LRRC14: variants seen among roughly 807,000 people sequenced by gnomAD.
LRRC14 encodes leucine rich repeat containing 14.
In LRRC14, 16 loss-of-function variants were observed where a neutral mutation model predicts 25.3. The observed-to-expected ratio is 0.63, with a 90% confidence interval of 0.43 to 0.96. LRRC14 has a LOEUF of 0.96. Among genes scored for constraint, LRRC14 ranks in the 40% least tolerant of loss-of-function variants. LRRC14 has a pLI of 0.00. For synonymous variants in LRRC14, 359 were observed against 295.1 expected (o/e 1.22, Z -2.22); for missense variants, 594 against 660.5 (o/e 0.90, Z 1.10).
Position 144,521,669 on chromosome 8 carries a change from T to A in LRRC14, c.*191T>A. ...TGCCCCACGCGGTTTTCCCTGCACT[T>A]GCTCCATAATTGGCTGATCATCTGT... On this transcript the variant is annotated 3_prime_UTR_variant, in exon 4 of 4. Coordinates refer to ENST00000292524, the MANE Select transcript of LRRC14 (RefSeq NM_014665.4). 1.6e-6 allele frequency: 1 copy of A among 610,868 alleles called. No individual in the cohort carries two copies. The allele number at this position is 610,868 out of a possible 1,614,324, so 37.8% of individuals were successfully genotyped here.
Position 144,523,790 on chromosome 8 carries a change from T to G in LRRC14, c.*2312T>G, listed in dbSNP as rs913556543. ...AGCCTTGCCTTTGGATGCCCTCTCT[T>G]GGGAATGTCCCCAGTCCTGGTCAGC... On this transcript the variant is annotated 3_prime_UTR_variant, in exon 4 of 4. Coordinates refer to ENST00000292524, the MANE Select transcript of LRRC14 (RefSeq NM_014665.4). 7.1e-6 allele frequency: 3 copies of G among 421,438 alleles called. No homozygotes were observed. The highest frequency in any genetic ancestry group is 1.3e-5 in the Non-Finnish European group (3 of 237,854). 26.1% of individuals were successfully genotyped at this position (421,438 alleles called of 1,614,324 possible).
Position 144,524,467 on chromosome 8 carries a change from G to C in LRRC14, c.*2989G>C, listed in dbSNP as rs1816274467. 11 of 1,597,756 alleles carry C rather than the reference G, an allele frequency of 6.9e-6. No individual in the cohort carries two copies. The highest frequency in any genetic ancestry group is 1.3e-5 in the African/African-American group (1 of 75,058). On this transcript the variant is annotated 3_prime_UTR_variant, in exon 4 of 4. Transcript: ENST00000292524. ...GGCAGGTGCAAGAAGGTGAAATCCAGCAGCCGCGCCAGCTGGTTGCCCGCC... is the reference window on the plus strand; with the variant it reads ...GGCAGGTGCAAGAAGGTGAAATCCACCAGCCGCGCCAGCTGGTTGCCCGCC...
Position 144,522,994 on chromosome 8 carries a change from A to T in LRRC14, c.*1516A>T. On this transcript the variant is annotated 3_prime_UTR_variant, in exon 4 of 4. Coordinates refer to ENST00000292524, the MANE Select transcript of LRRC14 (RefSeq NM_014665.4). Reference sequence around the variant, plus strand: ...CGTTGGAGGCCTCGCACTCGTACTTACCGGCGTGCGCCAGCGTGATGTTGC... The same window carrying T: ...CGTTGGAGGCCTCGCACTCGTACTTTCCGGCGTGCGCCAGCGTGATGTTGC... 1 of 1,595,820 alleles carries T rather than the reference A, an allele frequency of 6.3e-7. No homozygotes were observed.
At position 144,523,595 on chromosome 8, in the gene LRRC14, G is replaced by GC. The variant is rs1816222329; in HGVS notation, c.*2123dup. 1.1e-6 allele frequency: 1 copy of GC among 882,652 alleles called. No individual in the cohort carries two copies. The allele number at this position is 882,652 out of a possible 1,614,324, so 54.7% of individuals were successfully genotyped here. A position where few individuals can be genotyped will look rare whatever the true frequency, so the allele number is the denominator to read the frequency against. ...TTGGGGCGGCAGGCCCTTCACCCTCGCCCCCCTCCCCTTTAGCTCTGTGAT... is the reference window on the plus strand; with the variant it reads ...TTGGGGCGGCAGGCCCTTCACCCTCGCCCCCCCTCCCCTTTAGCTCTGTGAT... On this transcript the variant is annotated 3_prime_UTR_variant, in exon 4 of 4. Transcript: ENST00000292524.
chr8:144,520,509 C>T lies in LRRC14; in HGVS notation c.601C>T (p.Arg201Ter), dbSNP rs753973200. ...GCTGCGGCTCTGCTGCCGGGACCTGCGAGCTGAGGACCTGCCCATGCGCAA... is the reference window on the plus strand; with the variant it reads ...GCTGCGGCTCTGCTGCCGGGACCTGTGAGCTGAGGACCTGCCCATGCGCAA... ...SPLRLCCRDL[R>*]AEDLPMRNTV... Residue 201 changes from arginine to a stop codon, truncating the protein, a stop_gained, in exon 3 of 4, where the codon CGA becomes TGA. Coordinates refer to ENST00000292524, the MANE Select transcript of LRRC14 (RefSeq NM_014665.4). LOFTEE classifies it high-confidence loss of function. 2.5e-6 allele frequency: 4 copies of T among 1,598,788 alleles called. No homozygotes were observed. Among genetic ancestry groups the T allele is most frequent in the African/African-American group, 1.3e-5 (1 of 74,906 alleles).
chr8:144,524,551 G>A lies in LRRC14; in HGVS notation c.*3073G>A, dbSNP rs777443219. 6.3e-7 allele frequency: 1 copy of A among 1,579,304 alleles called. No individual in the cohort carries two copies. The highest frequency in any genetic ancestry group is 2.3e-5 in the East Asian group (1 of 44,100). ...AAGGCGCCGCTGCGCAAGCCGCGCA[G>A]CCGGTTGCTAGTGAGCGCCAGCTCC... On this transcript the variant is annotated 3_prime_UTR_variant, in exon 4 of 4. Transcript: ENST00000292524.
In LRRC14 at chr8:144,522,550, A is replaced by C. The variant is rs1194283760; in HGVS notation, c.*1072A>C. On this transcript the variant is annotated 3_prime_UTR_variant, in exon 4 of 4. Coordinates refer to ENST00000292524, the MANE Select transcript of LRRC14 (RefSeq NM_014665.4). ...CCGCCCCCTGTTCCGGGCCGCAGTC[A>C]GCGGGCGCCTCCGCCGGACCCTCGG... 3 of 1,534,460 alleles carry C rather than the reference A, an allele frequency of 2.0e-6. No individual in the cohort carries two copies. The highest frequency in any genetic ancestry group is 1.7e-6 in the Non-Finnish European group (2 of 1,142,928).
Position 144,522,507 on chromosome 8 carries a change from G to A in LRRC14, c.*1029G>A, listed in dbSNP as rs1353309803. 10 of 1,499,246 alleles carry A rather than the reference G, an allele frequency of 6.7e-6. No individual in the cohort carries two copies. Among genetic ancestry groups the A allele is most frequent in the African/African-American group, 4.3e-5 (3 of 69,106 alleles). 92.9% of individuals were successfully genotyped at this position (1,499,246 alleles called of 1,614,324 possible). A position where few individuals can be genotyped will look rare whatever the true frequency, so the allele number is the denominator to read the frequency against. On this transcript the variant is annotated 3_prime_UTR_variant, in exon 4 of 4. Transcript: ENST00000292524. ...TGGATCTCGTAGGCGACCGGCGGGG[G>A]CACGCGGAGTCCCGGCCCCGCCCCC...
In LRRC14 at chr8:144,524,125, C is replaced by G; in HGVS notation, c.*2647C>G. On this transcript the variant is annotated 3_prime_UTR_variant, in exon 4 of 4. Transcript: ENST00000292524. ...GAAGAGGTACCTGTGAGGCGCAGGA[C>G]TTGCAGACTGGCCAGGGGCTGCAGG... The G allele has an allele frequency of 6.2e-7, 1 of 1,603,912 alleles. No homozygotes were observed. The highest frequency in any genetic ancestry group is 8.5e-7 in the Non-Finnish European group (1 of 1,173,358).
At position 144,519,669 on chromosome 8, in the gene LRRC14, C is replaced by G; in HGVS notation, c.-57C>G. ...GTGTGGCTTGGTAGTGGCCTAGGGTCTCTCCTCCCTGCTGAAGTCCCTCTC... is the reference window on the plus strand; with the variant it reads ...GTGTGGCTTGGTAGTGGCCTAGGGTGTCTCCTCCCTGCTGAAGTCCCTCTC... On this transcript the variant is annotated 5_prime_UTR_variant, in exon 2 of 4. Coordinates refer to ENST00000292524, the MANE Select transcript of LRRC14 (RefSeq NM_014665.4). The G allele has an allele frequency of 2.0e-6, 3 of 1,478,024 alleles. No homozygotes were observed. Among genetic ancestry groups the G allele is most frequent in the Non-Finnish European group, 1.8e-6 (2 of 1,090,074 alleles). The allele number at this position is 1,478,024 out of a possible 1,614,324, so 91.6% of individuals were successfully genotyped here.
In LRRC14 at chr8:144,522,072, T is replaced by A; in HGVS notation, c.*594T>A. The A allele has an allele frequency of 4.6e-6, 1 of 218,004 alleles. No individual in the cohort carries two copies. The allele number at this position is 218,004 out of a possible 1,614,324, so 13.5% of individuals were successfully genotyped here. A position where few individuals can be genotyped will look rare whatever the true frequency, so the allele number is the denominator to read the frequency against. ...TCCACGTTGGTCACCCTTATCCTTATCTCTGCTGTCACCCCCAACATGGCC... is the reference window on the plus strand; with the variant it reads ...TCCACGTTGGTCACCCTTATCCTTAACTCTGCTGTCACCCCCAACATGGCC... On this transcript the variant is annotated 3_prime_UTR_variant, in exon 4 of 4. Coordinates refer to ENST00000292524, the MANE Select transcript of LRRC14 (RefSeq NM_014665.4).
chr8:144,522,678 T>C lies in LRRC14; in HGVS notation c.*1200T>C. 6.3e-7 allele frequency: 1 copy of C among 1,596,556 alleles called. No individual in the cohort carries two copies. The highest frequency in any genetic ancestry group is 8.5e-7 in the Non-Finnish European group (1 of 1,172,778). Reference sequence around the variant, plus strand: ...GTACAGGGGCCGTCCAAGTAGTCGTTGACGAACAGCGCTCCCTCCCCCGGA... The same window carrying C: ...GTACAGGGGCCGTCCAAGTAGTCGTCGACGAACAGCGCTCCCTCCCCCGGA... On this transcript the variant is annotated 3_prime_UTR_variant, in exon 4 of 4. Coordinates refer to ENST00000292524, the MANE Select transcript of LRRC14 (RefSeq NM_014665.4).
In LRRC14 at chr8:144,519,842, C is replaced by T. The variant is rs535632132; in HGVS notation, c.117C>T (p.Phe39=). 3.7e-6 allele frequency: 6 copies of T among 1,613,612 alleles called. No homozygotes were observed. In the African/African-American group the frequency reaches 6.7e-5, roughly 18 times the overall value. The change falls in exon 2 of 4, where the codon TTC becomes TTT. Residue 39 remains phenylalanine, a synonymous_variant. Coordinates refer to ENST00000292524, the MANE Select transcript of LRRC14 (RefSeq NM_014665.4). ...TCCCCCTGCTGTTCAAGGTGGCCTT[C>T]ATGGACAAGAAGACAGTGGTACTGC... ...ELFPLLFKVA[F]MDKKTVVLRE... is the part of the protein sequence containing the mutation.
rs1216096863 is a variant in LRRC14 at position 144,524,081 on chromosome 8, G to C, written c.*2603G>C. On this transcript the variant is annotated 3_prime_UTR_variant, in exon 4 of 4. Transcript: ENST00000292524. ...TCCCTACTGCCAACACCGTGGCCCA[G>C]ACAGAGACGCTTTCCGAGGAAGAGG... 12 of 1,589,762 alleles carry C rather than the reference G, an allele frequency of 7.5e-6. No individual in the cohort carries two copies. The highest frequency in any genetic ancestry group is 1.0e-5 in the Non-Finnish European group (12 of 1,163,684).
rs1205522349 is a variant in LRRC14, at chr8:144,524,933, TAGC to T, written c.*3465_*3467del. The T allele has an allele frequency of 1.1e-5, 16 of 1,510,742 alleles. No homozygotes were observed. Among genetic ancestry groups the T allele is most frequent in the Admixed American group, 2.0e-5 (1 of 49,348 alleles). The allele number at this position is 1,510,742 out of a possible 1,614,324, so 93.6% of individuals were successfully genotyped here. A position where few individuals can be genotyped will look rare whatever the true frequency, so the allele number is the denominator to read the frequency against. On this transcript the variant is annotated 3_prime_UTR_variant, in exon 4 of 4. Transcript: ENST00000292524. ...AGCCGGCGGCGCGGAGCGGCAGTAG[TAGC>T]AGCAGCAGCGGCAGCAGTGCGGGGG...
In LRRC14 at chr8:144,522,975, A is replaced by G; in HGVS notation, c.*1497A>G. 6.3e-7 allele frequency: 1 copy of G among 1,587,812 alleles called. No individual in the cohort carries two copies. On this transcript the variant is annotated 3_prime_UTR_variant, in exon 4 of 4. Coordinates refer to ENST00000292524, the MANE Select transcript of LRRC14 (RefSeq NM_014665.4). ...ACGCGGGCAGCGCCGCCGGCGTTGG[A>G]GGCCTCGCACTCGTACTTACCGGCG...
rs1469132473 is a variant in LRRC14, at chr8:144,523,459, G to C, written c.*1981G>C. On this transcript the variant is annotated 3_prime_UTR_variant, in exon 4 of 4. Transcript: ENST00000292524. ...GTGGCTTGAGGGTGCTGCTAAAACA[G>C]CCTGTGCAGTTGGGGTTTTGCAGGC... 2 of 1,496,824 alleles carry C rather than the reference G, an allele frequency of 1.3e-6. No homozygotes were observed. The highest frequency in any genetic ancestry group is 1.3e-5 in the South Asian group (1 of 74,254). The allele number at this position is 1,496,824 out of a possible 1,614,324, so 92.7% of individuals were successfully genotyped here.
In LRRC14 at chr8:144,520,959, G is replaced by C; in HGVS notation, c.963G>C (p.Leu321=). ...LESLELAFCA[L]LPEDLRFLAR... ...GCCTGGAGTTGGCCTTCTGTGCTCT[G>C]CTGCCTGAGGACCTACGCTTCCTGG... The change falls in exon 4 of 4, where the codon CTG becomes CTC. Residue 321 remains leucine (L), a synonymous_variant. Coordinates refer to ENST00000292524, the MANE Select transcript of LRRC14 (RefSeq NM_014665.4). 6.2e-7 allele frequency: 1 copy of C among 1,612,990 alleles called. No individual in the cohort carries two copies. The highest frequency in any genetic ancestry group is 8.5e-7 in the Non-Finnish European group (1 of 1,180,028).
intron 2 of LRRC14, 59 bp from the exon 3 acceptor site, chr8:144,520,179 C>T: frequency 6.3e-7 from 1 of 1,577,236 alleles, no homozygotes; most frequent in Non-Finnish European, 8.6e-7. Context: ...CCCAAGGTGG[C>T]TGGGAGGGGG....
Sources: gnomAD v4.1 joint callset for allele counts on GRCh38, gnomAD v4.1.1 for gene constraint, MANE v1.5 for transcripts, NCBI Gene and HGNC (gene_info 2026-07-23, HGNC 2026-07-21) for gene names.